The following KANSL1 variants were observed in gnomAD, a reference collection of about 807,000 sequenced individuals.
The protein encoded by KANSL1 is KAT8 regulatory NSL complex subunit 1, also known as MLL1/MLL complex subunit KANSL1.
A neutral mutation model predicts 103.6 loss-of-function variants in KANSL1; 22 were observed. That is an observed-to-expected ratio of 0.21 (90% CI 0.15 to 0.30). The LOEUF is 0.30. KANSL1 is among the 10% of genes least tolerant of loss of function. The pLI, the probability that KANSL1 is intolerant of heterozygous loss-of-function variation, is 1.00. For missense variants in KANSL1, 1,337 were observed against 1,399.8 expected, an observed-to-expected ratio of 0.96 and a Z score of 0.72; for synonymous variants, 600 against 527.6, an observed-to-expected ratio of 1.14 and a Z score of -1.88.
At chr17:46,032,558 G>A (rs2077040281) in intron 13 of KANSL1, 1 of 420,950 alleles carries the variant, frequency 2.4e-6, no homozygotes, top group Non-Finnish European at 4.2e-6. Context: ...CAGGAGGTTA[G>A]GGAGATTCGT....
At chr17:46,074,006 T>C (rs539439360) in intron 4 of KANSL1, among the ~76,000 whole-genome samples, 1 of 152,292 alleles carries the variant, frequency 6.6e-6, no homozygotes, top group African/African-American at 2.4e-5. Flanking sequence ...TGTGTGTGTA[T>C]GCACCTGTGA....
intron 2 of KANSL1, among the ~76,000 whole-genome samples, chr17:46,142,824 C>T (rs1469665351): frequency 6.6e-6 from 1 of 152,218 alleles, no homozygotes; most frequent in Admixed American, 6.5e-5. Context: ...TTTTGGAAAG[C>T]AACCTAACAA....
rs2046319374 is a variant in KANSL1 at position 46,172,099 on chromosome 17, T to C, written c.45A>G (p.Ala15=). 1 of 1,611,510 alleles carries C rather than the reference T, an allele frequency of 6.2e-7. No individual in the cohort carries two copies. Among genetic ancestry groups the C allele is most frequent in the Non-Finnish European group, 8.5e-7 (1 of 1,180,046 alleles). ...APALTDAAAE[A]HHIRFKLAPP... ...GAGCCAGTTTGAACCGGATATGGTG[T>C]GCTTCAGCTGCTGCGTCAGTGAGAG... The change falls in exon 2 of 15, where the codon GCA becomes GCG. Residue 15 remains alanine, a synonymous_variant. Transcript: ENST00000432791.
chr17:46,090,488 T>A lies in KANSL1; in HGVS notation c.1431+4072A>T, dbSNP rs78376388. Among the ~76,000 whole-genome samples the A allele has an allele frequency of 1.2e-3, 180 of 152,356 alleles. 5 individuals carry two copies. In the East Asian group the frequency reaches 0.027, roughly 23 times the overall value. Reference sequence around the variant, plus strand: ...CTAGTTTTATTCTTCCTATCGGAACTCTGAGAAGTAAAAGATTATCTATGA... The same window carrying A: ...CTAGTTTTATTCTTCCTATCGGAACACTGAGAAGTAAAAGATTATCTATGA... On this transcript the variant is annotated intron_variant, in intron 3 of 14. Coordinates refer to ENST00000432791, the MANE Select transcript of KANSL1 (RefSeq NM_015443.4).
intron 6 of KANSL1, among the ~76,000 whole-genome samples, chr17:46,054,031 G>A (rs2077824783): frequency 6.6e-6 from 1 of 152,174 alleles, no homozygotes; most frequent in African/African-American, 2.4e-5. Flanking sequence ...GGGAGGCTGA[G>A]GTGGCTCACT....
chr17:46,052,932 G>A (rs1275795737), intron 6 of KANSL1, among the ~76,000 whole-genome samples: 1 of 114,084 alleles, frequency 8.8e-6, no homozygotes, highest in East Asian at 2.8e-4. Context: ...CCACTGCACT[G>A]CAGCCTGGGA....
intron 2 of KANSL1, among the ~76,000 whole-genome samples, chr17:46,160,082 A>G (rs1016167084): frequency 6.6e-5 from 10 of 152,254 alleles, no homozygotes; most frequent in Non-Finnish European, 1.3e-4. Context: ...TATGACCACA[A>G]GCAAATTATT....
At chr17:46,172,273 C>T in intron 1 of KANSL1, 41 bp from the exon 2 acceptor site, 2 of 931,128 alleles carry the variant, frequency 2.1e-6, no homozygotes, top group South Asian at 1.7e-5. Flanking sequence ...AATACAAGCA[C>T]TTTTAAAAAC....
chr17:46,127,756 C>G (rs62063174), intron 2 of KANSL1, among the ~76,000 whole-genome samples: 21,524 of 150,188 alleles, frequency 0.14, 2,115 homozygotes, highest in Non-Finnish European at 0.22. Flanking sequence ...CCAGCCTGGG[C>G]AACAGAGCCA....
At chr17:46,072,696 A>G (rs1395507564) in intron 4 of KANSL1, among the ~76,000 whole-genome samples, 1 of 152,164 alleles carries the variant, frequency 6.6e-6, no homozygotes, top group African/African-American at 2.4e-5. Context: ...ATTTTCACTA[A>G]GTTATTGCCT....
intron 2 of KANSL1, among the ~76,000 whole-genome samples, chr17:46,136,653 C>T (rs1020377049): frequency 2.0e-5 from 3 of 152,136 alleles, no homozygotes; most frequent in Non-Finnish European, 2.9e-5. Flanking sequence ...CTAGGTTCCA[C>T]GTTTCCAAAA....
chr17:46,189,590 T>C (rs954052992), intron 1 of KANSL1, among the ~76,000 whole-genome samples: 8 of 152,324 alleles, frequency 5.3e-5, no homozygotes, highest in African/African-American at 1.7e-4. Context: ...ATTTTAAAAA[T>C]TGCTTGTCTA....
intron 7 of KANSL1, chr17:46,045,840 G>A (rs1488711120): frequency 6.6e-6 from 1 of 152,200 alleles, no homozygotes; most frequent in African/African-American, 2.4e-5. Context: ...GGGTGGGGGA[G>A]GTTATTTGCA....
chr17:46,212,240 T>A (rs80109453), intron 1 of KANSL1, among the ~76,000 whole-genome samples: 1 of 151,708 alleles, frequency 6.6e-6, no homozygotes, highest in African/African-American at 2.4e-5. Context: ...TTTTTTTTTT[T>A]AGACAGAGAC....
intron 1 of KANSL1, among the ~76,000 whole-genome samples, chr17:46,179,281 G>GT (rs562618126): frequency 3.9e-5 from 6 of 152,164 alleles, no homozygotes; most frequent in Non-Finnish European, 7.3e-5. Flanking sequence ...TTCAAATACT[G>GT]TAAGTCAGAA....
Position 46,172,349 on chromosome 17 carries a change from T to C in KANSL1, c.-89-117A>G, listed in dbSNP as rs533854723. ...TAAACTGCCTCCAGAAAGAAAACAC[T>C]CTGGAGCTAACTGTACCACAGTTAT... On this transcript the variant is annotated intron_variant, in intron 1 of 14. Transcript: ENST00000432791. 211 of 605,850 alleles carry C rather than the reference T, an allele frequency of 3.5e-4. No individual in the cohort carries two copies. The African/African-American group carries it at 3.8e-3, about 11-fold the overall frequency. 37.5% of individuals were successfully genotyped at this position (605,850 alleles called of 1,614,324 possible). A position where few individuals can be genotyped will look rare whatever the true frequency, so the allele number is the denominator to read the frequency against.
intron 7 of KANSL1, among the ~76,000 whole-genome samples, chr17:46,046,693 C>T (rs1349328597): frequency 1.3e-5 from 2 of 151,470 alleles, no homozygotes; most frequent in Non-Finnish European, 2.9e-5. Flanking sequence ...AAAAATTAGC[C>T]GGGCGTGGTG....
chr17:46,105,991 G>A (rs995497572), intron 2 of KANSL1, among the ~76,000 whole-genome samples: 4 of 151,620 alleles, frequency 2.6e-5, no homozygotes, highest in African/African-American at 9.7e-5. Flanking sequence ...AGTGTATTGA[G>A]GCAGGGTCCC....
rs2047429453 is a variant in KANSL1 at position 46,193,027 on chromosome 17, G to GGAAGGC, written c.-300_-295dup. ...CGGGGGGGCGAGGCAGAGGGGGAGG[G>GGAAGGC]GAAGGCGGCGGCGGGGAGCGGCTGC... On this transcript the variant is annotated 5_prime_UTR_variant, in exon 1 of 15. Transcript: ENST00000432791. 1 of 153,390 alleles carries GGAAGGC rather than the reference G, an allele frequency of 6.5e-6. No homozygotes were observed. Among genetic ancestry groups the GGAAGGC allele is most frequent in the African/African-American group, 2.4e-5 (1 of 41,502 alleles). The allele number at this position is 153,390 out of a possible 1,614,324, so 9.5% of individuals were successfully genotyped here.
Sources: gnomAD v4.1 joint callset for allele counts (sites outside exome capture counted in the v4.1 genomes callset) on GRCh38, gnomAD v4.1.1 for gene constraint, MANE v1.5 for transcripts, NCBI Gene and HGNC (gene_info 2026-07-23, HGNC 2026-07-21) for gene names.